The following CNTN4 variants were observed in gnomAD, a reference collection of about 807,000 sequenced individuals.
CNTN4 encodes contactin-4.
A neutral mutation model predicts 122.5 loss-of-function variants in CNTN4; 77 were observed. The ratio of observed to expected loss-of-function variants is 0.63; its 90% CI spans 0.52 to 0.76. The LOEUF (loss-of-function observed/expected upper bound fraction) is 0.76, where lower values mean the gene tolerates loss of function less well. Among genes scored for constraint, CNTN4 ranks in the 30% least tolerant of loss-of-function variants. The pLI is 0.00. For synonymous variants in CNTN4, 512 were observed against 447.0 expected (o/e 1.15, Z -1.83); for missense variants, 1,256 against 1,259.1 (o/e 1.00, Z 0.04).
chr3:2,685,971 A>C (rs569220719), intron 4 of CNTN4, among the ~76,000 whole-genome samples: 1 of 152,192 alleles, frequency 6.6e-6, no homozygotes, highest in African/African-American at 2.4e-5. Flanking sequence ...TGCACAACCA[A>C]TTCCCAATTA....
chr3:2,674,895 T>G (rs2084757841), intron 4 of CNTN4, among the ~76,000 whole-genome samples: 1 of 152,334 alleles, frequency 6.6e-6, no homozygotes, highest in East Asian at 1.9e-4. Flanking sequence ...GCCCCTATAG[T>G]TCCCAGCCTC....
rs760860047 is a variant in CNTN4, at chr3:2,584,917, G to GTAGATAGATAGATAGA, written c.55+13372_55+13387dup. ...AGTAGGAAGGTAGGTAGGTAGGTAG[G>GTAGATAGATAGATAGA]TAGATAGATAGATAGATAGATAGAT... On this transcript the variant is annotated intron_variant, in intron 4 of 24. Transcript: ENST00000418658. Among the ~76,000 whole-genome samples the GTAGATAGATAGATAGA allele has an allele frequency of 7.0e-4, 106 of 151,264 alleles. 1 individual carries two copies. Among genetic ancestry groups the GTAGATAGATAGATAGA allele is most frequent in the African/African-American group, 2.5e-3 (101 of 41,082 alleles).
chr3:2,759,899 G>A (rs1483212670), intron 6 of CNTN4, among the ~76,000 whole-genome samples: 2 of 152,116 alleles, frequency 1.3e-5, no homozygotes, highest in African/African-American at 4.8e-5. Context: ...GATGTCTCAT[G>A]TGGTTTAGAT....
intron 6 of CNTN4, among the ~76,000 whole-genome samples, chr3:2,775,626 G>A (rs558320414): frequency 2.6e-5 from 4 of 152,142 alleles, no homozygotes; most frequent in African/African-American, 9.6e-5. Context: ...TTACCATGTT[G>A]GCCAGGCTGG....
chr3:2,727,592 G>A (rs1016691628), intron 4 of CNTN4, among the ~76,000 whole-genome samples: 4 of 152,060 alleles, frequency 2.6e-5, no homozygotes, highest in African/African-American at 9.7e-5. Context: ...AAAAATCCTC[G>A]AGCAATGCAC....
intron 2 of CNTN4, among the ~76,000 whole-genome samples, chr3:2,277,541 T>C (rs1446955744): frequency 6.6e-6 from 1 of 152,224 alleles, no homozygotes; most frequent in Non-Finnish European, 1.5e-5. Context: ...GGTCTCCCCC[T>C]CTTGCCAACG....
intron 2 of CNTN4, among the ~76,000 whole-genome samples, chr3:2,127,856 G>T (rs1170120591): frequency 1.3e-5 from 2 of 152,294 alleles, no homozygotes; most frequent in East Asian, 3.9e-4. Flanking sequence ...AGCTCCACTG[G>T]TGTAGTCAAA....
At chr3:2,101,471 T>G (rs1260903960) in intron 2 of CNTN4, among the ~76,000 whole-genome samples, 1 of 152,186 alleles carries the variant, frequency 6.6e-6, no homozygotes, top group Non-Finnish European at 1.5e-5. Context: ...AATTAATATT[T>G]TGTAAAAACT....
chr3:2,403,991 T>G (rs1559522684), intron 3 of CNTN4, among the ~76,000 whole-genome samples: 1 of 152,166 alleles, frequency 6.6e-6, no homozygotes, highest in Non-Finnish European at 1.5e-5. Flanking sequence ...ATATAATACT[T>G]TCTCAATTTC....
At chr3:2,892,235 A>G (rs1237537861) in intron 10 of CNTN4, 1 of 152,184 alleles carries the variant, frequency 6.6e-6, no homozygotes, top group Admixed American at 6.5e-5. Flanking sequence ...CCCAGTGGGA[A>G]CATACCAGAT....
chr3:2,300,020 A>C lies in CNTN4; in HGVS notation c.-144-39158A>C, dbSNP rs1486887908. On this transcript the variant is annotated intron_variant, in intron 2 of 24. Transcript: ENST00000418658. Reference sequence around the variant, plus strand: ...AAATAAATCAGAGAAGGTAAGTCCCATAACAGCTTATGATCTAGGTCAGTC... The same window carrying C: ...AAATAAATCAGAGAAGGTAAGTCCCCTAACAGCTTATGATCTAGGTCAGTC... 2.6e-5 allele frequency among the ~76,000 whole-genome samples: 4 copies of C among 152,216 alleles called. No individual in the cohort carries two copies. The East Asian group carries it at 7.7e-4, about 29-fold the overall frequency.
intron 3 of CNTN4, among the ~76,000 whole-genome samples, chr3:2,362,024 G>A (rs9881003): frequency 0.061 from 9,306 of 152,242 alleles, 366 homozygotes; most frequent in African/African-American, 0.11. Flanking sequence ...AAAAAAGGAG[G>A]TGTAAGAGTT....
At position 2,473,772 on chromosome 3, in the gene CNTN4, G is replaced by T. The variant is rs187180962; in HGVS notation, c.-88-97644G>T. ...TCATGACTGTAATCCCAGCACTTTG[G>T]GAGGCCGAGGTGGGCGGATCACTTG... On this transcript the variant is annotated intron_variant, in intron 3 of 24. Coordinates refer to ENST00000418658, the MANE Select transcript of CNTN4 (RefSeq NM_175607.3). 2.5e-3 allele frequency among the ~76,000 whole-genome samples: 376 copies of T among 152,218 alleles called. 1 individual carries two copies. The highest frequency in any genetic ancestry group is 8.9e-3 in the African/African-American group (369 of 41,516).
chr3:2,157,299 C>T (rs562015716), intron 2 of CNTN4, among the ~76,000 whole-genome samples: 11 of 151,952 alleles, frequency 7.2e-5, no homozygotes, highest in Non-Finnish European at 1.3e-4. Flanking sequence ...TAAAGATATG[C>T]GATATGAAAG....
chr3:2,420,181 A>G (rs1575592129), intron 3 of CNTN4, among the ~76,000 whole-genome samples: 2 of 152,178 alleles, frequency 1.3e-5, no homozygotes, highest in Admixed American at 1.3e-4. Flanking sequence ...AACTCCTAGT[A>G]TCTGCAGGTT....
At chr3:3,029,751 G>C (rs1674193139) in intron 15 of CNTN4, among the ~76,000 whole-genome samples, 1 of 152,146 alleles carries the variant, frequency 6.6e-6, no homozygotes, top group South Asian at 2.1e-4. Context: ...ACCTCTTTGT[G>C]CTGGAATTTC....
chr3:2,710,020 T>C (rs1299306581), intron 4 of CNTN4, among the ~76,000 whole-genome samples: 4 of 152,234 alleles, frequency 2.6e-5, no homozygotes, highest in Non-Finnish European at 4.4e-5. Context: ...TAGATGTCAT[T>C]AGTTTTCCTC....
chr3:2,671,933 ATTGCTGAACAGCAAATG>A (rs949500696), intron 4 of CNTN4, among the ~76,000 whole-genome samples: 2 of 124,678 alleles, frequency 1.6e-5, no homozygotes, highest in South Asian at 2.6e-4. Context: ...AACAGCAAAT[ATTGCTGAACAGCAAATG>A]TTGCTGCCTG....
At chr3:2,270,908 G>C (rs947538089) in intron 2 of CNTN4, among the ~76,000 whole-genome samples, 1 of 152,100 alleles carries the variant, frequency 6.6e-6, no homozygotes, top group African/African-American at 2.4e-5. Context: ...GTTCACAGGC[G>C]TGCAGGCTGT....
Sources: allele counts gnomAD v4.1 joint callset (sites outside exome capture counted in the v4.1 genomes callset), GRCh38; gene constraint gnomAD v4.1.1; transcripts MANE v1.5; gene names NCBI Gene and HGNC (gene_info 2026-07-23, HGNC 2026-07-21).